The following ADAMTS12 variants were observed in gnomAD, a reference collection of about 807,000 sequenced individuals.
ADAMTS12 encodes the protein ADAM metallopeptidase with thrombospondin type 1 motif 12, also known as A disintegrin and metalloproteinase with thrombospondin motifs 12.
In ADAMTS12, 118 loss-of-function variants were observed where a neutral mutation model predicts 167.8. That is an observed-to-expected ratio of 0.70 (90% CI 0.61 to 0.82). The LOEUF (loss-of-function observed/expected upper bound fraction) is 0.82. ADAMTS12 is among the 40% of genes least tolerant of loss of function. ADAMTS12 has a pLI of 0.00. For synonymous variants in ADAMTS12, 704 were observed against 716.9 expected, an observed-to-expected ratio of 0.98 and a Z score of 0.29; for missense variants, 1,916 against 1,998.8, an observed-to-expected ratio of 0.96 and a Z score of 0.79.
chr5:33,624,337 G>A lies in ADAMTS12; in HGVS notation c.2037C>T (p.Asp679=), dbSNP rs1373354488. The A allele has an allele frequency of 6.2e-7, 1 of 1,614,020 alleles. No homozygotes were observed. The highest frequency in any genetic ancestry group is 2.2e-5 in the East Asian group (1 of 44,836). The change falls in exon 14 of 24, where the codon GAC becomes GAT. Residue 679 remains aspartate, a synonymous_variant. Transcript: ENST00000504830. ...CGGTGGCATTGGAATCGATCTCATA[G>A]TCACAGCCAACCATCTGTGGGGAAG... The part of the protein sequence containing the change: ...INGICKMVGC[D]YEIDSNATED...
At chr5:33,599,978 CTT>C (rs1437144579) in intron 16 of ADAMTS12, among the ~76,000 whole-genome samples, 1 of 152,092 alleles carries the variant, frequency 6.6e-6, no homozygotes, top group Non-Finnish European at 1.5e-5. Flanking sequence ...ATGATATTGG[CTT>C]TTTATTTGGC....
At chr5:33,832,649 C>T (rs1238622856) in intron 2 of ADAMTS12, among the ~76,000 whole-genome samples, 2 of 152,178 alleles carry the variant, frequency 1.3e-5, no homozygotes, top group African/African-American at 4.8e-5. Context: ...CCACCAGGCA[C>T]TAGCGGGGTG....
intron 1 of ADAMTS12, among the ~76,000 whole-genome samples, chr5:33,886,641 C>T (rs190459492): frequency 6.6e-6 from 1 of 152,282 alleles, no homozygotes; most frequent in Non-Finnish European, 1.5e-5. Flanking sequence ...CCTCAATTTG[C>T]TTAGCAATCA....
In ADAMTS12 at chr5:33,599,381, T is replaced by G. The variant is rs921382889; in HGVS notation, c.2528-3321A>C. ...CATGATTGATTTTATTGATTTTTCA[T>G]GTTCTTTTCTCTTGTGCTACAGTTC... On this transcript the variant is annotated intron_variant, in intron 16 of 23. Coordinates refer to ENST00000504830, the MANE Select transcript of ADAMTS12 (RefSeq NM_030955.4). Among the ~76,000 whole-genome samples the G allele has an allele frequency of 5.3e-5, 8 of 152,204 alleles. No individual in the cohort carries two copies. The East Asian group carries it at 1.5e-3, about 29-fold the overall frequency.
chr5:33,746,668 G>A (rs1019336902), intron 3 of ADAMTS12, among the ~76,000 whole-genome samples: 5 of 152,208 alleles, frequency 3.3e-5, no homozygotes, highest in African/African-American at 1.2e-4. Context: ...TGTTCTTTAT[G>A]TGTCAACATG....
intron 2 of ADAMTS12, among the ~76,000 whole-genome samples, chr5:33,861,546 C>T (rs539995065): frequency 1.3e-5 from 2 of 152,276 alleles, no homozygotes; most frequent in East Asian, 3.9e-4. Context: ...TAGAGACCTA[C>T]AAAGAGACTT....
At chr5:33,776,433 CA>C (rs1252575284) in intron 2 of ADAMTS12, among the ~76,000 whole-genome samples, 1 of 152,070 alleles carries the variant, frequency 6.6e-6, no homozygotes, top group Non-Finnish European at 1.5e-5. Flanking sequence ...GAATATTCAC[CA>C]ATATGTGGAA....
At chr5:33,690,857 T>G (rs781650067) in intron 3 of ADAMTS12, among the ~76,000 whole-genome samples, 2 of 152,220 alleles carry the variant, frequency 1.3e-5, no homozygotes, top group Non-Finnish European at 2.9e-5. Flanking sequence ...CCGCACTCTC[T>G]GATAGAAATG....
intron 2 of ADAMTS12, among the ~76,000 whole-genome samples, chr5:33,847,592 C>G (rs1362801059): frequency 6.6e-6 from 1 of 151,516 alleles, no homozygotes; most frequent in East Asian, 1.9e-4. Flanking sequence ...CATTGCACTC[C>G]AGCCTGGGCA....
intron 18 of ADAMTS12, among the ~76,000 whole-genome samples, chr5:33,583,282 A>T (rs1747166025): frequency 6.6e-6 from 1 of 152,158 alleles, no homozygotes; most frequent in Admixed American, 6.5e-5. Flanking sequence ...ACTTCACATA[A>T]TGATCTCCAG....
At chr5:33,888,131 A>G (rs1488879668) in intron 1 of ADAMTS12, 1 of 152,228 alleles carries the variant, frequency 6.6e-6, no homozygotes, top group African/African-American at 2.4e-5. Flanking sequence ...GTATCGGTCC[A>G]ATATTAGTAT....
intron 2 of ADAMTS12, among the ~76,000 whole-genome samples, chr5:33,780,554 C>T (rs1399769068): frequency 6.6e-6 from 1 of 152,140 alleles, no homozygotes; most frequent in African/African-American, 2.4e-5. Context: ...GGGAAATAAG[C>T]TAAGGTGGTT....
intron 3 of ADAMTS12, among the ~76,000 whole-genome samples, chr5:33,747,578 A>G (rs1324193629): frequency 1.3e-5 from 2 of 152,188 alleles, no homozygotes; most frequent in Admixed American, 6.5e-5. Flanking sequence ...GAACCTGTGT[A>G]CTAGGAAATA....
intron 2 of ADAMTS12, among the ~76,000 whole-genome samples, chr5:33,801,474 A>G (rs1036022129): frequency 3.3e-5 from 5 of 152,230 alleles, no homozygotes; most frequent in African/African-American, 1.2e-4. Context: ...ATGACATGAT[A>G]TAATGTGATG....
intron 5 of ADAMTS12, among the ~76,000 whole-genome samples, chr5:33,664,367 C>G (rs1413627861): frequency 6.6e-6 from 1 of 152,042 alleles, no homozygotes; most frequent in Non-Finnish European, 1.5e-5. Flanking sequence ...TGTGACCCAC[C>G]TAGATATGCC....
intron 2 of ADAMTS12, among the ~76,000 whole-genome samples, chr5:33,853,099 G>A (rs1305721061): frequency 6.6e-6 from 1 of 152,180 alleles, no homozygotes; most frequent in Non-Finnish European, 1.5e-5. Context: ...CGAGCAGGGA[G>A]CCTAATTCTT....
intron 23 of ADAMTS12, among the ~76,000 whole-genome samples, chr5:33,531,866 G>A (rs1561104121): frequency 6.6e-6 from 1 of 152,178 alleles, no homozygotes; most frequent in Non-Finnish European, 1.5e-5. Flanking sequence ...TGGGGGACCG[G>A]AAGGAAGAGT....
At chr5:33,864,973 G>A (rs1413030029) in intron 2 of ADAMTS12, among the ~76,000 whole-genome samples, 1 of 151,490 alleles carries the variant, frequency 6.6e-6, no homozygotes. Flanking sequence ...ACGTATCCCA[G>A]AACTTAAAGT....
At chr5:33,633,100 G>C (rs940470168) in intron 12 of ADAMTS12, among the ~76,000 whole-genome samples, 45 of 150,906 alleles carry the variant, frequency 3.0e-4, no homozygotes, top group African/African-American at 1.1e-3. Flanking sequence ...TATCTTGGAG[G>C]AATACATTAA....
Sources: allele counts gnomAD v4.1 joint callset (sites outside exome capture counted in the v4.1 genomes callset), GRCh38; gene constraint gnomAD v4.1.1; transcripts MANE v1.5; gene names NCBI Gene and HGNC (gene_info 2026-07-23, HGNC 2026-07-21).